TAFA2: variants seen among roughly 807,000 people sequenced by gnomAD.
TAFA2 encodes chemokine-like protein TAFA-2.
A neutral mutation model predicts 18.8 loss-of-function variants in TAFA2; 7 were observed. That is an observed-to-expected ratio of 0.37 (90% CI 0.21 to 0.70). TAFA2 has a LOEUF of 0.70. Ranked by LOEUF, TAFA2 falls within the 30% of genes least tolerant of loss-of-function variation. The probability of loss-of-function intolerance (pLI) is 0.53; values close to 1 mark genes in which losing one functional copy is unlikely to be tolerated. For synonymous variants in TAFA2, 60 were observed against 54.2 expected, an observed-to-expected ratio of 1.11 and a Z score of -0.47; for missense variants, 122 against 158.1, an observed-to-expected ratio of 0.77 and a Z score of 1.23.
intron 1 of TAFA2, among the ~76,000 whole-genome samples, chr12:61,961,007 G>A (rs1384855765): frequency 6.6e-6 from 1 of 151,948 alleles, no homozygotes; most frequent in Non-Finnish European, 1.5e-5. Flanking sequence ...TCTGCAAGCT[G>A]TACAGGAATA....
chr12:61,886,344 G>T (rs1875376084), intron 1 of TAFA2, among the ~76,000 whole-genome samples: 1 of 152,010 alleles, frequency 6.6e-6, no homozygotes, highest in Non-Finnish European at 1.5e-5. Context: ...ACCTGTAAAA[G>T]ACCTCACTTT....
chr12:62,197,417 G>A (rs2062653508), upstream of TAFA2, among the ~76,000 whole-genome samples: 1 of 152,032 alleles, frequency 6.6e-6, no homozygotes, highest in South Asian at 2.1e-4. Flanking sequence ...TGCACTTCAG[G>A]CTTTTTCTTT....
chr12:62,040,977 G>T (rs76651355), intron 1 of TAFA2, among the ~76,000 whole-genome samples: 2 of 152,098 alleles, frequency 1.3e-5, no homozygotes, highest in Non-Finnish European at 2.9e-5. Context: ...CACTTGAGCC[G>T]TGAACAAGAA....
chr12:62,148,986 A>C (rs578002011), intron 1 of TAFA2, among the ~76,000 whole-genome samples: 1 of 152,312 alleles, frequency 6.6e-6, no homozygotes, highest in East Asian at 1.9e-4. Flanking sequence ...TTATAATCTT[A>C]GGTTCACCTG....
rs1290704672 is a variant in TAFA2, at chr12:62,192,480, T to A, written c.-1223A>T. 6.6e-6 allele frequency: 1 copy of A among 152,212 alleles called. No homozygotes were observed. Among genetic ancestry groups the A allele is most frequent in the Non-Finnish European group, 1.5e-5 (1 of 68,108 alleles). The allele number at this position is 152,212 out of a possible 1,614,324, so 9.4% of individuals were successfully genotyped here. Reference sequence around the variant, plus strand: ...AAGCCGTTTAGCAAGCAAAGCCTCCTCTCCGCGTCCCACCCCAGATGCTAT... The same window carrying A: ...AAGCCGTTTAGCAAGCAAAGCCTCCACTCCGCGTCCCACCCCAGATGCTAT... On this transcript the variant is annotated 5_prime_UTR_variant, in exon 1 of 5. Coordinates refer to ENST00000416284, the MANE Select transcript of TAFA2 (RefSeq NM_178539.5).
intron 4 of TAFA2, among the ~76,000 whole-genome samples, chr12:61,724,912 T>C (rs751222752): frequency 6.7e-6 from 1 of 148,778 alleles, no homozygotes; most frequent in Non-Finnish European, 1.5e-5. Flanking sequence ...TGCATAGTGG[T>C]TGTACTAGTT....
At chr12:61,741,396 G>A (rs1476679026) in intron 4 of TAFA2, among the ~76,000 whole-genome samples, 1 of 151,784 alleles carries the variant, frequency 6.6e-6, no homozygotes, top group Admixed American at 6.6e-5. Flanking sequence ...GTCTAGTTGA[G>A]AAAGCATTTT....
At chr12:61,886,950 G>C (rs975424336) in intron 1 of TAFA2, among the ~76,000 whole-genome samples, 1 of 152,168 alleles carries the variant, frequency 6.6e-6, no homozygotes, top group Non-Finnish European at 1.5e-5. Context: ...ATTAACGAGT[G>C]CCTCAATTTA....
At chr12:61,745,121 T>C (rs1385576903) in intron 4 of TAFA2, among the ~76,000 whole-genome samples, 2 of 152,064 alleles carry the variant, frequency 1.3e-5, no homozygotes, top group Non-Finnish European at 2.9e-5. Context: ...TACCTACTCT[T>C]CTTCAGAAAT....
chr12:61,883,331 T>C (rs1433336742), intron 1 of TAFA2, among the ~76,000 whole-genome samples: 1 of 152,250 alleles, frequency 6.6e-6, no homozygotes, highest in Non-Finnish European at 1.5e-5. Context: ...CATTATTTAC[T>C]ACACATGTGT....
intron 2 of TAFA2, among the ~76,000 whole-genome samples, chr12:61,818,876 T>C (rs915242687): frequency 3.9e-5 from 6 of 152,224 alleles, no homozygotes; most frequent in Admixed American, 2.6e-4. Flanking sequence ...AATGCTATTA[T>C]GCTTATGGCT....
At chr12:61,894,316 T>C (rs1875752053) in intron 1 of TAFA2, among the ~76,000 whole-genome samples, 1 of 152,212 alleles carries the variant, frequency 6.6e-6, no homozygotes, top group Non-Finnish European at 1.5e-5. Context: ...AAAGTGAAAG[T>C]TAATACTGCC....
At chr12:61,919,499 A>C (rs349884) in intron 1 of TAFA2, among the ~76,000 whole-genome samples, 6,149 of 152,218 alleles carry the variant, frequency 0.04, 218 homozygotes, top group African/African-American at 0.1. Context: ...GGTAAAATAC[A>C]CACACCCAAG....
rs149357305 is a variant in TAFA2 at position 61,879,341 on chromosome 12, G to T, written c.-1-11915C>A. On this transcript the variant is annotated intron_variant, in intron 1 of 4. Coordinates refer to ENST00000416284, the MANE Select transcript of TAFA2 (RefSeq NM_178539.5). The stretch of plus-strand genomic sequence containing the variant: ...CCATGTCCATCAAGGTGATCCAGAA[G>T]TCCTACAAGGTATCCACCTCTGGCC... The T allele has an allele frequency of 1.1e-3, 733 of 656,304 alleles. 4 individuals carry two copies. In the African/African-American group the frequency reaches 0.012, roughly 10 times the overall value. 40.7% of individuals were successfully genotyped at this position (656,304 alleles called of 1,614,324 possible). A position where few individuals can be genotyped will look rare whatever the true frequency, so the allele number is the denominator to read the frequency against.
chr12:62,196,046 C>T (rs998682239), upstream of TAFA2, among the ~76,000 whole-genome samples: 7 of 152,320 alleles, frequency 4.6e-5, no homozygotes, highest in Middle Eastern at 3.4e-3. Flanking sequence ...CAGCTTCTAC[C>T]TAAGCACTTA....
At chr12:61,712,911 C>G (rs760806166) in intron 4 of TAFA2, among the ~76,000 whole-genome samples, 3 of 151,914 alleles carry the variant, frequency 2.0e-5, no homozygotes, top group Non-Finnish European at 4.4e-5. Context: ...CCATGAAGAT[C>G]AAGTATTATA....
chr12:61,869,173 A>T (rs1158004347), intron 1 of TAFA2, among the ~76,000 whole-genome samples: 4 of 152,178 alleles, frequency 2.6e-5, no homozygotes, highest in African/African-American at 7.2e-5. Context: ...CATGTCAAAG[A>T]TAACATACAA....
At chr12:62,031,200 C>A (rs1356332756) in intron 1 of TAFA2, among the ~76,000 whole-genome samples, 1 of 151,826 alleles carries the variant, frequency 6.6e-6, no homozygotes, top group Non-Finnish European at 1.5e-5. Flanking sequence ...ACATCTGAGT[C>A]AATGGGCTGG....
intron 1 of TAFA2, among the ~76,000 whole-genome samples, chr12:62,030,068 G>A (rs348690): frequency 0.69 from 104,590 of 151,932 alleles, 36,110 homozygotes; most frequent in Middle Eastern, 0.76. Context: ...TCACCCAAGT[G>A]TATTTTAGGA....
Sources: gnomAD v4.1 joint callset for allele counts (sites outside exome capture counted in the v4.1 genomes callset) on GRCh38, gnomAD v4.1.1 for gene constraint, MANE v1.5 for transcripts, NCBI Gene and HGNC (gene_info 2026-07-23, HGNC 2026-07-21) for gene names.